CD6: variants seen among roughly 807,000 people sequenced by gnomAD.
CD6 encodes T-cell differentiation antigen CD6.
CD6 carries 53 observed loss-of-function variants against 75.3 expected under a neutral mutation model. The observed-to-expected ratio is 0.70, with a 90% confidence interval of 0.56 to 0.88. The LOEUF is 0.88. CD6 is among the 40% of genes least tolerant of loss of function. The probability of loss-of-function intolerance (pLI) is 0.00; values close to 1 mark genes in which losing one functional copy is unlikely to be tolerated. For missense variants in CD6, 770 were observed against 897.1 expected, an observed-to-expected ratio of 0.86 and a Z score of 1.81; for synonymous variants, 359 against 381.5, an observed-to-expected ratio of 0.94 and a Z score of 0.69.
intron 1 of CD6, among the ~76,000 whole-genome samples, chr11:60,993,751 C>A (rs535460069): frequency 7.2e-5 from 11 of 152,254 alleles, no homozygotes; most frequent in African/African-American, 2.2e-4. Flanking sequence ...CCTGGGATCT[C>A]CTGCTCCCTC....
At chr11:60,983,289 A>G (rs1396999976) in intron 1 of CD6, among the ~76,000 whole-genome samples, 1 of 151,698 alleles carries the variant, frequency 6.6e-6, no homozygotes, top group Non-Finnish European at 1.5e-5. Flanking sequence ...ACGGGGTTTC[A>G]CCATGTTGGT....
At chr11:61,015,193 C>T (rs144309127) in intron 8 of CD6, among the ~76,000 whole-genome samples, 1 of 152,152 alleles carries the variant, frequency 6.6e-6, no homozygotes, top group Non-Finnish European at 1.5e-5. Flanking sequence ...CTGTGTTAAG[C>T]GTTTGCTAAA....
intron 3 of CD6, 41 bp from the exon 4 acceptor site, chr11:61,008,492 TG>T: frequency 6.6e-7 from 1 of 1,505,240 alleles, no homozygotes; most frequent in Non-Finnish European, 8.9e-7. Flanking sequence ...CCTCCCTTCC[TG>T]GTCGGGTGCC....
intron 6 of CD6, among the ~76,000 whole-genome samples, chr11:61,012,785 C>A (rs1180735437): frequency 6.6e-6 from 1 of 152,110 alleles, no homozygotes; most frequent in Non-Finnish European, 1.5e-5. Context: ...AATCCCAGAC[C>A]CCACTCCCGT....
intron 1 of CD6, among the ~76,000 whole-genome samples, chr11:60,980,979 G>A (rs532305720): frequency 2.3e-4 from 35 of 152,284 alleles, no homozygotes; most frequent in African/African-American, 8.2e-4. Context: ...ATGTTGGGTA[G>A]GCAGGACTGA....
rs781647415 is a variant in CD6, at chr11:61,011,115, G to A, written c.1130G>A (p.Ser377Asn). Reference sequence around the variant, plus strand: ...CTGTCCACTCCCGAAGTCCCTGCAAGTGTTCAGACAGTCACTATAGGTAAG... The same window carrying A: ...CTGTCCACTCCCGAAGTCCCTGCAAATGTTCAGACAGTCACTATAGGTAAG... ...HNLSTPEVPA[S>N]VQTVTIESSV... Residue 377 changes from serine (S) to asparagine (N), a missense_variant, in exon 6 of 13, where the codon AGT becomes AAT. Physicochemically the swap from Ser to Asn is conservative, Grantham distance 46. Coordinates refer to ENST00000313421, the MANE Select transcript of CD6 (RefSeq NM_006725.5). 1.5e-5 allele frequency: 25 copies of A among 1,613,818 alleles called. No individual in the cohort carries two copies. In the South Asian group the frequency reaches 1.8e-4, roughly 11 times the overall value.
intron 10 of CD6, 102 bp from the exon 11 acceptor site, chr11:61,017,653 CCTGA>C (rs1227875254): frequency 4.4e-6 from 7 of 1,582,904 alleles, no homozygotes; most frequent in Non-Finnish European, 4.3e-6. Flanking sequence ...ATGAGTCTTT[CCTGA>C]CTTTCACAAA....
At chr11:61,000,014 T>C (rs952295556) in intron 1 of CD6, among the ~76,000 whole-genome samples, 2 of 152,046 alleles carry the variant, frequency 1.3e-5, no homozygotes, top group Non-Finnish European at 2.9e-5. Flanking sequence ...ATCGCATCAC[T>C]GCACTCCAGC....
intron 1 of CD6, among the ~76,000 whole-genome samples, chr11:60,977,361 C>T (rs1304956442): frequency 6.6e-6 from 1 of 152,080 alleles, no homozygotes; most frequent in South Asian, 2.1e-4. Context: ...AGATGGGACA[C>T]CATGAGCTTT....
intron 1 of CD6, among the ~76,000 whole-genome samples, chr11:60,999,224 T>A (rs1333442261): frequency 6.6e-6 from 1 of 151,932 alleles, no homozygotes; most frequent in Non-Finnish European, 1.5e-5. Flanking sequence ...TATTTTCTTT[T>A]CCTATAGTAG....
intron 7 of CD6, 132 bp from the exon 8 acceptor site, chr11:61,013,787 T>C (rs1048723726): frequency 1.4e-6 from 1 of 733,318 alleles, no homozygotes; most frequent in Non-Finnish European, 2.3e-6. Flanking sequence ...TGTGTGTTTG[T>C]GCGCGCGCAC....
Position 61,000,326 on chromosome 11 carries a change from T to TTA in CD6, c.50-6248_50-6247insTA, listed in dbSNP as rs1554994452. Reference sequence around the variant, plus strand: ...AACACTTTCTGTTGATTTTTTTTTTTAACTATACTTCTAGCAGGTGACACA... The same window carrying TTA: ...AACACTTTCTGTTGATTTTTTTTTTTTAAACTATACTTCTAGCAGGTGACACA... On this transcript the variant is annotated intron_variant, in intron 1 of 12. Transcript: ENST00000313421. Among the ~76,000 whole-genome samples, 63 of 151,474 alleles carry TTA rather than the reference T, an allele frequency of 4.2e-4. 1 individual carries two copies. The highest frequency in any genetic ancestry group is 3.1e-3 in the East Asian group (16 of 5,154).
At chr11:60,999,469 C>T (rs149921037) in intron 1 of CD6, among the ~76,000 whole-genome samples, 3 of 151,012 alleles carry the variant, frequency 2.0e-5, no homozygotes, top group Non-Finnish European at 2.9e-5. Flanking sequence ...TCCTGGAAAA[C>T]CTTCAGAAGC....
intron 1 of CD6, among the ~76,000 whole-genome samples, chr11:61,002,897 C>T (rs1165892174): frequency 6.6e-6 from 1 of 152,168 alleles, no homozygotes; most frequent in Non-Finnish European, 1.5e-5. Context: ...ACCAACACAC[C>T]CCTGTGATAA....
intron 9 of CD6, chr11:61,016,877 G>C (rs1859428520): frequency 6.5e-6 from 1 of 152,826 alleles, no homozygotes; most frequent in South Asian, 2.1e-4. Flanking sequence ...CAGTGTTTGG[G>C]CGCCACAGGG....
Position 61,007,864 on chromosome 11 carries a change from G to A in CD6, c.423G>A (p.Glu141=). 7.2e-7 allele frequency: 1 copy of A among 1,393,622 alleles called. No individual in the cohort carries two copies. Among genetic ancestry groups the A allele is most frequent in the Non-Finnish European group, 9.3e-7 (1 of 1,080,466 alleles). 86.3% of individuals were successfully genotyped at this position (1,393,622 alleles called of 1,614,324 possible). A position where few individuals can be genotyped will look rare whatever the true frequency, so the allele number is the denominator to read the frequency against. ...AGTGGCGGCTCTGCGAGGTGGTGGA[G>A]CACGCGTGCCGCAGCGACGGGAGGC... ...GAEWRLCEVV[E]HACRSDGRRA... The change falls in exon 3 of 13, where the codon GAG becomes GAA. Residue 141 remains glutamate (E), a synonymous_variant. Transcript: ENST00000313421. The surrounding 1 kb of genome is among the most constrained non-coding windows in gnomAD (Gnocchi z 4.2).
At chr11:60,993,091 G>C (rs896510577) in intron 1 of CD6, among the ~76,000 whole-genome samples, 1 of 152,068 alleles carries the variant, frequency 6.6e-6, no homozygotes. Context: ...AAGAAGGCAC[G>C]GTCTGGCACG....
At chr11:60,998,389 T>C (rs1043198928) in intron 1 of CD6, among the ~76,000 whole-genome samples, 22 of 152,174 alleles carry the variant, frequency 1.4e-4, no homozygotes, top group African/African-American at 5.1e-4. Context: ...AATCAAAGAA[T>C]GTAAGGACTG....
rs2135176066 is a variant in CD6 at position 61,009,852 on chromosome 11, G to A, written c.1062G>A (p.Leu354=). 1 of 1,563,600 alleles carries A rather than the reference G, an allele frequency of 6.4e-7. No individual in the cohort carries two copies. Among genetic ancestry groups the A allele is most frequent in the South Asian group, 1.2e-5 (1 of 82,270 alleles). The change falls in exon 5 of 13, where the codon CTG becomes CTA. Residue 354 remains leucine (L), a synonymous_variant. Coordinates refer to ENST00000313421, the MANE Select transcript of CD6 (RefSeq NM_006725.5). The part of the protein sequence containing the change: ...FNNSNLCSQS[L]AARVLCSASR... ...ACTCCAACCTCTGCAGCCAGTCGCT[G>A]GCAGCCAGGGTCCTCTGCTCAGGTA...
Sources: gnomAD v4.1 joint callset for allele counts (sites outside exome capture counted in the v4.1 genomes callset) on GRCh38, gnomAD v4.1.1 for gene constraint, Gnocchi (gnomAD v3.1) non-coding constraint, MANE v1.5 for transcripts, NCBI Gene and HGNC (gene_info 2026-07-23, HGNC 2026-07-21) for gene names.